Variants in KANK3 observed in about 807,000 individuals in gnomAD.
The protein encoded by KANK3 is KN motif and ankyrin repeat domain-containing protein 3.
Under a neutral mutation model 65.4 loss-of-function variants are expected in KANK3, and 61 were observed. The observed-to-expected ratio is 0.93, with a 90% CI of 0.76 to 1.15. The LOEUF is 1.15. KANK3 is among the 50% of genes most tolerant of loss of function. The pLI, the probability that KANK3 is intolerant of heterozygous loss-of-function variation, is 0.00. For synonymous variants in KANK3, 586 were observed against 543.3 expected, an observed-to-expected ratio of 1.08 and a Z score of -1.09; for missense variants, 1,187 against 1,178.8, an observed-to-expected ratio of 1.01 and a Z score of -0.10.
intron 1 of KANK3, among the ~76,000 whole-genome samples, chr19:8,340,293 C>T (rs2913962): frequency 0.46 from 33,713 of 73,920 alleles, 4,822 homozygotes; most frequent in Middle Eastern, 0.52. Flanking sequence ...TATATATATA[C>T]ACACACACAC....
intron 7 of KANK3, among the ~76,000 whole-genome samples, chr19:8,327,239 G>A (rs1012713419): frequency 6.6e-6 from 1 of 152,068 alleles, no homozygotes; most frequent in African/African-American, 2.4e-5. Context: ...GGTGACTAAC[G>A]CCTGTACACC....
chr19:8,342,097 G>A (rs1166035942), intron 1 of KANK3, among the ~76,000 whole-genome samples: 2 of 152,122 alleles, frequency 1.3e-5, no homozygotes, highest in Non-Finnish European at 2.9e-5. Flanking sequence ...GGGTTCAAGC[G>A]ACTCTCCTGC....
At position 8,335,245 on chromosome 19, in the gene KANK3, C is replaced by G. The variant is rs1367323398; in HGVS notation, c.582G>C (p.Leu194=). Residue 194 remains leucine (L), a synonymous_variant, in exon 3 of 11, where the codon CTG becomes CTC. Transcript: ENST00000330915. ...QLVREQMAAA[L]RRLRELEDQA... ...GGTCCTCGAGCTCGCGCAGGCGCCGCAGCGCCGCGGCCATCTGCTCGCGCA... is the reference window on the plus strand; with the variant it reads ...GGTCCTCGAGCTCGCGCAGGCGCCGGAGCGCCGCGGCCATCTGCTCGCGCA... 1.6e-6 allele frequency: 2 copies of G among 1,226,508 alleles called. No individual in the cohort carries two copies. Among genetic ancestry groups the G allele is most frequent in the East Asian group, 3.5e-5 (1 of 28,248 alleles). 76.0% of individuals were successfully genotyped at this position (1,226,508 alleles called of 1,614,324 possible).
In KANK3 at chr19:8,337,639, C is replaced by T. The variant is rs372538060; in HGVS notation, c.34+156G>A. Among the ~76,000 whole-genome samples, 14 of 152,284 alleles carry T rather than the reference C, an allele frequency of 9.2e-5. No individual in the cohort carries two copies. The South Asian group carries it at 2.9e-3, about 32-fold the overall frequency. On this transcript the variant is annotated intron_variant, in intron 2 of 10. Coordinates refer to ENST00000330915, the MANE Select transcript of KANK3 (RefSeq NM_198471.3). Reference sequence around the variant, plus strand: ...GGGATTACAGGCATGAGCCACCGCACCCGGCCATGATTGATGCCATAGGTG... The same window carrying T: ...GGGATTACAGGCATGAGCCACCGCATCCGGCCATGATTGATGCCATAGGTG...
Position 8,329,655 on chromosome 19 carries a change from G to A in KANK3, c.1936+3359C>T, listed in dbSNP as rs1260516989. Among the ~76,000 whole-genome samples, 3 of 152,094 alleles carry A rather than the reference G, an allele frequency of 2.0e-5. No homozygotes were observed. In the East Asian group the frequency reaches 5.8e-4, roughly 29 times the overall value. ...TTAGCCCAGCAATTCCTGTTCCCCA[G>A]GGTATAAAACCTAGAGTGGGCCGCT... On this transcript the variant is annotated intron_variant, in intron 7 of 10. Transcript: ENST00000330915.
At chr19:8,336,739 CAAAA>C (rs576688863) in intron 2 of KANK3, among the ~76,000 whole-genome samples, 1 of 107,464 alleles carries the variant, frequency 9.3e-6, no homozygotes, top group Non-Finnish European at 1.8e-5. Flanking sequence ...GACCCTGTCT[CAAAA>C]AAAAAAAAAA....
Position 8,335,239 on chromosome 19 carries a change from G to C in KANK3, c.588C>G (p.Arg196=), listed in dbSNP as rs985684788. The part of the protein sequence containing the change: ...VREQMAAALR[R]LRELEDQART... ...GCGCCTGGTCCTCGAGCTCGCGCAG[G>C]CGCCGCAGCGCCGCGGCCATCTGCT... is the stretch of plus-strand genomic sequence containing the variant. The change falls in exon 3 of 11, where the codon CGC becomes CGG. Residue 196 remains arginine, a synonymous_variant. Transcript: ENST00000330915. The C allele has an allele frequency of 5.7e-6, 7 of 1,224,160 alleles. No individual in the cohort carries two copies. Among genetic ancestry groups the C allele is most frequent in the Non-Finnish European group, 6.1e-6 (6 of 981,392 alleles). The allele number at this position is 1,224,160 out of a possible 1,614,324, so 75.8% of individuals were successfully genotyped here. A position where few individuals can be genotyped will look rare whatever the true frequency, so the allele number is the denominator to read the frequency against.
At chr19:8,329,749 C>T (rs1462215873) in intron 7 of KANK3, among the ~76,000 whole-genome samples, 2 of 152,176 alleles carry the variant, frequency 1.3e-5, no homozygotes, top group Admixed American at 6.6e-5. Context: ...CTTGGGCAGC[C>T]TTCCTGAGCC....
At chr19:8,339,366 T>TTG (rs940705263) in intron 1 of KANK3, among the ~76,000 whole-genome samples, 1 of 151,160 alleles carries the variant, frequency 6.6e-6, no homozygotes, top group Non-Finnish European at 1.5e-5. Context: ...TTTTTGTTTT[T>TTG]TTTTTTTTTT....
intron 7 of KANK3, among the ~76,000 whole-genome samples, chr19:8,332,150 C>A (rs3111568): frequency 6.6e-6 from 1 of 151,628 alleles, no homozygotes; most frequent in Non-Finnish European, 1.5e-5. Flanking sequence ...CCCACCACCA[C>A]GCCCAGCTAG....
intron 2 of KANK3, among the ~76,000 whole-genome samples, chr19:8,336,593 T>C (rs965297008): frequency 2.2e-5 from 1 of 45,886 alleles, no homozygotes; most frequent in South Asian, 3.9e-4. Context: ...TATACACATA[T>C]ACATATATAT....
chr19:8,332,996 C>T lies in KANK3; in HGVS notation c.1936+18G>A. On this transcript the variant is annotated intron_variant, in intron 7 of 10. Coordinates refer to ENST00000330915, the MANE Select transcript of KANK3 (RefSeq NM_198471.3). ...CACCCATTTCCTGGTGTCCCACCCA[C>T]CCTCCCTTGGCTCTGACCCGTATCC... 1.0e-6 allele frequency: 1 copy of T among 1,004,202 alleles called. No individual in the cohort carries two copies. Among genetic ancestry groups the T allele is most frequent in the Non-Finnish European group, 1.5e-6 (1 of 680,720 alleles). 62.2% of individuals were successfully genotyped at this position (1,004,202 alleles called of 1,614,324 possible). A position where few individuals can be genotyped will look rare whatever the true frequency, so the allele number is the denominator to read the frequency against.
At chr19:8,329,969 G>C (rs190490549) in intron 7 of KANK3, among the ~76,000 whole-genome samples, 3 of 152,176 alleles carry the variant, frequency 2.0e-5, no homozygotes, top group African/African-American at 7.2e-5. Flanking sequence ...GATTAGGCTG[G>C]AGGGAGAGAG....
intron 7 of KANK3, among the ~76,000 whole-genome samples, chr19:8,325,369 A>G (rs992847150): frequency 7.9e-6 from 1 of 127,366 alleles, no homozygotes; most frequent in African/African-American, 3.1e-5. Flanking sequence ...CAGTGGTGCG[A>G]TCTCAGCTCA....
Position 8,334,877 on chromosome 19 carries a change from T to G in KANK3, c.950A>C (p.Gln317Pro). 6.9e-7 allele frequency: 1 copy of G among 1,459,198 alleles called. No individual in the cohort carries two copies. Among genetic ancestry groups the G allele is most frequent in the African/African-American group, 1.5e-5 (1 of 67,258 alleles). The allele number at this position is 1,459,198 out of a possible 1,614,324, so 90.4% of individuals were successfully genotyped here. A position where few individuals can be genotyped will look rare whatever the true frequency, so the allele number is the denominator to read the frequency against. ...GGCCTCCCGGGTCTCCGGCACGGCC[T>G]GGGCACCCGCTTCTCGGGTCTCGGG... The part of the protein sequence containing the change: ...AVPETREAGA[Q>P]AVPETREAGV... Residue 317 changes from glutamine (Q) to proline (P), a missense_variant, in exon 3 of 11, where the codon CAG becomes CCG. Gln to Pro is a moderately conservative substitution (Grantham distance 76). Coordinates refer to ENST00000330915, the MANE Select transcript of KANK3 (RefSeq NM_198471.3).
chr19:8,325,148 T>C (rs1300348709), intron 7 of KANK3, 52 bp from the exon 8 acceptor site: 2 of 1,551,358 alleles, frequency 1.3e-6, no homozygotes, highest in Admixed American at 3.8e-5. Flanking sequence ...GCGGCCCGAC[T>C]TGATCCACTC....
Position 8,335,680 on chromosome 19 carries a change from G to A in KANK3, c.147C>T (p.Leu49=). The A allele has an allele frequency of 8.0e-7, 1 of 1,255,338 alleles. No individual in the cohort carries two copies. Among genetic ancestry groups the A allele is most frequent in the Non-Finnish European group, 1.0e-6 (1 of 996,162 alleles). 77.8% of individuals were successfully genotyped at this position (1,255,338 alleles called of 1,614,324 possible). The change falls in exon 3 of 11, where the codon CTC becomes CTT. Residue 49 remains leucine (L), a synonymous_variant. Coordinates refer to ENST00000330915, the MANE Select transcript of KANK3 (RefSeq NM_198471.3). ...PYGFHLDLDF[L]KYIEELERGP... is the part of the protein sequence containing the mutation. ...CACGCTCCAGCTCCTCTATGTACTT[G>A]AGGAAGTCCAGGTCCAGGTGGAAGC... is the stretch of plus-strand genomic sequence containing the variant.
At position 8,322,650 on chromosome 19, in the gene KANK3, C is replaced by T. The variant is rs967819456; in HGVS notation, c.*189G>A. ...GTGGATCAGGGCTCTATCACTTGGT[C>T]CCCACCTCACCTTGGTGGGGCCAGA... is the stretch of plus-strand genomic sequence containing the variant. On this transcript the variant is annotated 3_prime_UTR_variant, in exon 11 of 11. Coordinates refer to ENST00000330915, the MANE Select transcript of KANK3 (RefSeq NM_198471.3). The T allele has an allele frequency of 3.8e-5, 23 of 598,032 alleles. No individual in the cohort carries two copies. In the African/African-American group the frequency reaches 3.9e-4, roughly 10 times the overall value. 37.0% of individuals were successfully genotyped at this position (598,032 alleles called of 1,614,324 possible).
At chr19:8,328,747 C>T (rs114810584) in intron 7 of KANK3, among the ~76,000 whole-genome samples, 3,364 of 151,996 alleles carry the variant, frequency 0.022, 174 homozygotes, top group South Asian at 0.17. Flanking sequence ...GATTCTGTAA[C>T]GGGCACAACT....
Sources: gnomAD v4.1 joint callset for allele counts (sites outside exome capture counted in the v4.1 genomes callset) on GRCh38, gnomAD v4.1.1 for gene constraint, MANE v1.5 for transcripts, NCBI Gene and HGNC (gene_info 2026-07-23, HGNC 2026-07-21) for gene names.